HOMER1: variants seen among roughly 807,000 people sequenced by gnomAD.
HOMER1 encodes homer protein homolog 1.
In HOMER1, 3 loss-of-function variants were observed where a neutral mutation model predicts 48.9. That is an observed-to-expected ratio of 0.06 (90% CI 0.03 to 0.16). The LOEUF (loss-of-function observed/expected upper bound fraction) is 0.16. Among genes scored for constraint, HOMER1 ranks in the 10% least tolerant of loss-of-function variants. The probability of loss-of-function intolerance (pLI) is 1.00; values close to 1 mark genes in which losing one functional copy is unlikely to be tolerated. For synonymous variants in HOMER1, 134 were observed against 146.4 expected (o/e 0.92, Z 0.61); for missense variants, 247 against 411.4 (o/e 0.60, Z 3.46).
At chr5:79,494,597 G>C (rs890826304) in intron 1 of HOMER1, among the ~76,000 whole-genome samples, 1 of 152,162 alleles carries the variant, frequency 6.6e-6, no homozygotes, top group Non-Finnish European at 1.5e-5. Context: ...AGCTGGGTGC[G>C]GTGGCTCATG....
chr5:79,456,482 AAACTG>A (rs1444291807), intron 2 of HOMER1, among the ~76,000 whole-genome samples: 1 of 152,232 alleles, frequency 6.6e-6, no homozygotes, highest in East Asian at 1.9e-4. Flanking sequence ...TAGGGACTTT[AAACTG>A]CTACTAGTCT....
At chr5:79,427,533 C>T (rs546367653) in intron 5 of HOMER1, among the ~76,000 whole-genome samples, 359 of 152,206 alleles carry the variant, frequency 2.4e-3, no homozygotes, top group African/African-American at 8.3e-3. Context: ...GGATTACAGG[C>T]GTGCACTACC....
intron 1 of HOMER1, among the ~76,000 whole-genome samples, chr5:79,483,853 A>C (rs1467363433): frequency 6.6e-6 from 1 of 151,698 alleles, no homozygotes; most frequent in African/African-American, 2.4e-5. Flanking sequence ...TCAGGAGTTC[A>C]AGACCACAGT....
chr5:79,496,859 G>C (rs1027413347), intron 1 of HOMER1, among the ~76,000 whole-genome samples: 2 of 151,712 alleles, frequency 1.3e-5, no homozygotes, highest in South Asian at 4.2e-4. Context: ...GAGGCCGAGA[G>C]TTCGAGACCA....
chr5:79,382,448 G>C (rs926420507), intron 8 of HOMER1, among the ~76,000 whole-genome samples: 3 of 152,034 alleles, frequency 2.0e-5, no homozygotes, highest in Non-Finnish European at 4.4e-5. Flanking sequence ...AGACCAACAG[G>C]GCATTTCTCA....
intron 4 of HOMER1, among the ~76,000 whole-genome samples, chr5:79,445,893 G>A (rs540286439): frequency 5.9e-5 from 9 of 152,338 alleles, no homozygotes; most frequent in African/African-American, 1.7e-4. Flanking sequence ...CGGTCTGGGT[G>A]ACAGAGCATG....
At chr5:79,455,129 A>T (rs576525455) in intron 2 of HOMER1, among the ~76,000 whole-genome samples, 1 of 150,028 alleles carries the variant, frequency 6.7e-6, no homozygotes, top group African/African-American at 2.5e-5. Context: ...TTGAGATGGG[A>T]ACTCACTGTG....
chr5:79,395,556 G>C (rs1325546038), intron 8 of HOMER1, among the ~76,000 whole-genome samples: 3 of 152,184 alleles, frequency 2.0e-5, no homozygotes, highest in African/African-American at 7.2e-5. Flanking sequence ...ACCAAAACAA[G>C]TGATCTCATT....
In HOMER1 at chr5:79,419,834, C is replaced by T. The variant is rs115060267; in HGVS notation, c.528-17779G>A. Among the ~76,000 whole-genome samples, 1,125 of 152,106 alleles carry T rather than the reference C, an allele frequency of 7.4e-3. 11 individuals are homozygous for T. The highest frequency in any genetic ancestry group is 0.024 in the African/African-American group (1,008 of 41,466). ...GATATTCACAGAGGATCTTAACAAA[C>T]AGTGCTAAATGACTTCTGGATTTTA... On this transcript the variant is annotated intron_variant, in intron 5 of 8. Coordinates refer to ENST00000334082, the MANE Select transcript of HOMER1 (RefSeq NM_004272.5).
chr5:79,448,887 T>G (rs1211064979), intron 3 of HOMER1, among the ~76,000 whole-genome samples: 60 of 151,802 alleles, frequency 4.0e-4, no homozygotes, highest in Non-Finnish European at 1.5e-5. Flanking sequence ...AAGAGCTGTT[T>G]CCCAATATTC....
chr5:79,379,252 CTATTATATA>C (rs963540475), intron 8 of HOMER1, among the ~76,000 whole-genome samples: 5 of 52,586 alleles, frequency 9.5e-5, no homozygotes, highest in Non-Finnish European at 1.8e-4. Context: ...TTATATATAT[CTATTATATA>C]TATTATATAT....
At chr5:79,445,198 T>C (rs1750842788) in intron 4 of HOMER1, among the ~76,000 whole-genome samples, 1 of 152,240 alleles carries the variant, frequency 6.6e-6, no homozygotes, top group Non-Finnish European at 1.5e-5. Context: ...GAAAGTTCCA[T>C]GTAAATCTGC....
chr5:79,442,713 A>C (rs544658225), intron 4 of HOMER1, among the ~76,000 whole-genome samples: 1 of 152,360 alleles, frequency 6.6e-6, no homozygotes, highest in African/African-American at 2.4e-5. Context: ...ATACTTAAAC[A>C]AAGATGAGAA....
intron 5 of HOMER1, among the ~76,000 whole-genome samples, chr5:79,405,976 A>G (rs1009319996): frequency 1.3e-5 from 2 of 152,218 alleles, no homozygotes; most frequent in Non-Finnish European, 1.5e-5. Context: ...TCTATAAAAC[A>G]CTGTAGACCT....
At chr5:79,400,261 C>T (rs1749499316) in intron 6 of HOMER1, among the ~76,000 whole-genome samples, 1 of 152,128 alleles carries the variant, frequency 6.6e-6, no homozygotes, top group African/African-American at 2.4e-5. Context: ...CTTTCCCCCA[C>T]CTCTCTTAAG....
At chr5:79,378,221 T>TTAAAA (rs756900477) in intron 8 of HOMER1, among the ~76,000 whole-genome samples, 1 of 97,482 alleles carries the variant, frequency 1.0e-5, no homozygotes, top group Non-Finnish European at 1.9e-5. Flanking sequence ...AGACTCTGTC[T>TTAAAA]CAAAAAAAAA....
intron 8 of HOMER1, 121 bp from the exon 9 acceptor site, chr5:79,376,318 G>T: frequency 4.3e-6 from 3 of 702,338 alleles, no homozygotes; most frequent in Non-Finnish European, 6.9e-6. Flanking sequence ...ATGAGCTGCA[G>T]AATCTTAATT....
intron 1 of HOMER1, among the ~76,000 whole-genome samples, chr5:79,511,653 A>C (rs1752947110): frequency 6.6e-6 from 1 of 152,228 alleles, no homozygotes. Flanking sequence ...TAAAACCATT[A>C]TAACTTTGTC....
At chr5:79,402,788 A>C (rs1258367363) in intron 5 of HOMER1, among the ~76,000 whole-genome samples, 3 of 152,196 alleles carry the variant, frequency 2.0e-5, no homozygotes, top group African/African-American at 7.2e-5. Context: ...AGGATGCTTA[A>C]ATGTCATAAG....
Sources: allele counts gnomAD v4.1 joint callset (sites outside exome capture counted in the v4.1 genomes callset), GRCh38; gene constraint gnomAD v4.1.1; transcripts MANE v1.5; gene names NCBI Gene and HGNC (gene_info 2026-07-23, HGNC 2026-07-21).